ZNF492: variants seen among roughly 807,000 people sequenced by gnomAD.
ZNF492 encodes the protein zinc finger protein 115 (Y20).
In ZNF492, 3 loss-of-function variants were observed where a neutral mutation model predicts 6.4. The ratio of observed to expected loss-of-function variants is 0.47; its 90% CI spans 0.21 to 1.22. ZNF492 has a LOEUF of 1.22. ZNF492 is among the 50% of genes most tolerant of loss of function. ZNF492 has a pLI of 0.22. For missense variants in ZNF492, 356 were observed against 612.5 expected, an observed-to-expected ratio of 0.58 and a Z score of 4.42; for synonymous variants, 112 against 205.3, an observed-to-expected ratio of 0.55 and a Z score of 3.89.
intron 1 of ZNF492, among the ~76,000 whole-genome samples, chr19:22,647,257 G>GT (rs777750378): frequency 0.079 from 11,028 of 140,106 alleles, 511 homozygotes; most frequent in South Asian, 0.1. Context: ...TTTGTTTGTT[G>GT]TTGTTTTTTT....
chr19:22,651,222 T>C (rs1266973407), intron 1 of ZNF492, among the ~76,000 whole-genome samples: 2 of 152,022 alleles, frequency 1.3e-5, no homozygotes, highest in Non-Finnish European at 2.9e-5. Context: ...TCTCTGTGGG[T>C]CATGCCAGCT....
At chr19:22,642,915 T>G (rs73030507) in intron 1 of ZNF492, among the ~76,000 whole-genome samples, 16,969 of 152,182 alleles carry the variant, frequency 0.11, 997 homozygotes, top group Middle Eastern at 0.16. Flanking sequence ...GTTAAGTTCC[T>G]TTGACAGAAA....
At chr19:22,655,694 T>TTTTTTTTTA (rs1971987551) in intron 3 of ZNF492, among the ~76,000 whole-genome samples, 3 of 143,708 alleles carry the variant, frequency 2.1e-5, no homozygotes, top group African/African-American at 8.0e-5. Flanking sequence ...TTTTTTTTTT[T>TTTTTTTTTA]ACTTATTCCA....
chr19:22,645,698 T>C (rs1226763632), intron 1 of ZNF492, among the ~76,000 whole-genome samples: 1 of 152,236 alleles, frequency 6.6e-6, no homozygotes, highest in Non-Finnish European at 1.5e-5. Context: ...AATTTTTGTA[T>C]AAGGTGTAAG....
At chr19:22,659,892 T>C (rs1453971991) in intron 3 of ZNF492, among the ~76,000 whole-genome samples, 1 of 152,018 alleles carries the variant, frequency 6.6e-6, no homozygotes, top group Non-Finnish European at 1.5e-5. Context: ...TCTCGAACTC[T>C]TGACCTCAAG....
At chr19:22,643,188 C>T (rs1344006044) in intron 1 of ZNF492, among the ~76,000 whole-genome samples, 1 of 152,034 alleles carries the variant, frequency 6.6e-6, no homozygotes, top group Non-Finnish European at 1.5e-5. Context: ...GCAGGAGAAT[C>T]GCTTGAACCT....
chr19:22,635,016 C>A (rs1971746262), intron 1 of ZNF492, among the ~76,000 whole-genome samples: 1 of 152,032 alleles, frequency 6.6e-6, no homozygotes, highest in Non-Finnish European at 1.5e-5. Flanking sequence ...ATGAAAATAC[C>A]CAAATTCAAT....
chr19:22,646,858 G>A (rs1971882329), intron 1 of ZNF492, among the ~76,000 whole-genome samples: 3 of 152,188 alleles, frequency 2.0e-5, no homozygotes, highest in Admixed American at 6.5e-5. Flanking sequence ...TGAATCCCAG[G>A]GATGAAGCCG....
intron 1 of ZNF492, among the ~76,000 whole-genome samples, chr19:22,643,815 A>G (rs1971851937): frequency 6.6e-6 from 1 of 152,172 alleles, no homozygotes; most frequent in Non-Finnish European, 1.5e-5. Context: ...AGAATCAAGT[A>G]TAGGGGGTTC....
At chr19:22,654,040 A>C (rs781436040) in intron 3 of ZNF492, 25 bp downstream of exon 3, 3 of 1,568,594 alleles carry the variant, frequency 1.9e-6, no homozygotes, top group South Asian at 1.2e-5. Context: ...AAGTGAATAC[A>C]ACAGATGACA....
intron 1 of ZNF492, among the ~76,000 whole-genome samples, chr19:22,647,541 G>A (rs74169639): frequency 0.029 from 4,331 of 151,566 alleles, 69 homozygotes; most frequent in East Asian, 0.073. Flanking sequence ...TGGGATTACA[G>A]GGGTGAGCCA....
chr19:22,640,741 T>A (rs75050206), intron 1 of ZNF492, among the ~76,000 whole-genome samples: 5,137 of 152,298 alleles, frequency 0.034, 306 homozygotes, highest in African/African-American at 0.12. Context: ...TGTGAATCTA[T>A]CTGGTCCTAG....
intron 1 of ZNF492, among the ~76,000 whole-genome samples, chr19:22,645,333 C>G (rs1209909070): frequency 6.6e-6 from 1 of 152,142 alleles, no homozygotes; most frequent in African/African-American, 2.4e-5. Flanking sequence ...AGGCATGAGC[C>G]ACTACACCCA....
intron 3 of ZNF492, among the ~76,000 whole-genome samples, chr19:22,662,893 A>G (rs1279810780): frequency 8.6e-5 from 13 of 151,974 alleles, no homozygotes; most frequent in African/African-American, 2.9e-4. Context: ...TTGCCTGTTC[A>G]TTCTGGTGGT....
At chr19:22,647,790 C>T (rs1306072784) in intron 1 of ZNF492, among the ~76,000 whole-genome samples, 4 of 127,044 alleles carry the variant, frequency 3.1e-5, no homozygotes, top group Admixed American at 1.8e-4. Flanking sequence ...AGTCCAGTGG[C>T]GTGATCTTGG....
chr19:22,635,804 T>C (rs531037744), intron 1 of ZNF492, among the ~76,000 whole-genome samples: 1 of 152,358 alleles, frequency 6.6e-6, no homozygotes, highest in East Asian at 1.9e-4. Flanking sequence ...TTTTCTTTCG[T>C]AGGACAACCT....
At chr19:22,647,508 C>G (rs1264772291) in intron 1 of ZNF492, among the ~76,000 whole-genome samples, 2 of 151,354 alleles carry the variant, frequency 1.3e-5, no homozygotes, top group African/African-American at 2.4e-5. Flanking sequence ...GTGATCCCCC[C>G]CAATCTCGGC....
chr19:22,645,253 G>T (rs937164207), intron 1 of ZNF492, among the ~76,000 whole-genome samples: 1 of 151,970 alleles, frequency 6.6e-6, no homozygotes, highest in Non-Finnish European at 1.5e-5. Context: ...CACCATATTG[G>T]CCAGGCTGGT....
chr19:22,645,128 C>A (rs1971864805), intron 1 of ZNF492, among the ~76,000 whole-genome samples: 1 of 151,904 alleles, frequency 6.6e-6, no homozygotes, highest in African/African-American at 2.4e-5. Flanking sequence ...CTCACTGAAG[C>A]CTACACCTCC....
Sources: allele counts gnomAD v4.1 joint callset (sites outside exome capture counted in the v4.1 genomes callset), GRCh38; gene constraint gnomAD v4.1.1; transcripts MANE v1.5; gene names NCBI Gene and HGNC (gene_info 2026-07-23, HGNC 2026-07-21).